Variants in MBNL1 observed in about 807,000 individuals in gnomAD.
The protein encoded by MBNL1 is muscleblind-like protein 1.
In MBNL1, 8 loss-of-function variants were observed where a neutral mutation model predicts 42.2. That is an observed-to-expected ratio of 0.19 (90% confidence interval 0.11 to 0.34). The LOEUF is 0.34. Among genes scored for constraint, MBNL1 ranks in the 10% least tolerant of loss-of-function variants. The pLI is 1.00. For missense variants in MBNL1, 309 were observed against 495.3 expected (o/e 0.62, Z 3.57); for synonymous variants, 169 against 173.9 (o/e 0.97, Z 0.22).
intron 4 of MBNL1, among the ~76,000 whole-genome samples, chr3:152,441,386 T>A (rs1229724357): frequency 1.3e-5 from 2 of 152,332 alleles, no homozygotes; most frequent in East Asian, 3.9e-4. Flanking sequence ...TATGCATTAT[T>A]TTATTCAGTA....
intron 2 of MBNL1, among the ~76,000 whole-genome samples, chr3:152,385,233 C>A (rs190795718): frequency 6.6e-6 from 1 of 151,910 alleles, no homozygotes; most frequent in African/African-American, 2.4e-5. Context: ...GTATTGAGGC[C>A]TCTCTTACAT....
chr3:152,418,861 C>T lies in MBNL1; in HGVS notation c.345+3750C>T, dbSNP rs894100516. Among the ~76,000 whole-genome samples, 35 of 151,928 alleles carry T rather than the reference C, an allele frequency of 2.3e-4. 2 individuals carry two copies. The highest frequency in any genetic ancestry group is 2.1e-3 in the South Asian group (10 of 4,810). Reference sequence around the variant, plus strand: ...CCTCCTGAGTACCTGGGACTACAGGCGCCCGCCCCCGTGCCCGGCTAATTT... The same window carrying T: ...CCTCCTGAGTACCTGGGACTACAGGTGCCCGCCCCCGTGCCCGGCTAATTT... On this transcript the variant is annotated intron_variant, in intron 3 of 9. Coordinates refer to ENST00000324210, the MANE Select transcript of MBNL1 (RefSeq NM_021038.5).
chr3:152,251,053 G>A (rs932581202), intron 2 of MBNL1, among the ~76,000 whole-genome samples: 6 of 152,076 alleles, frequency 3.9e-5, no homozygotes, highest in Non-Finnish European at 7.4e-5. Context: ...ATCAATAAAT[G>A]TAATCCAGCA....
At chr3:152,434,395 T>A (rs1397531266) in intron 4 of MBNL1, among the ~76,000 whole-genome samples, 3 of 152,230 alleles carry the variant, frequency 2.0e-5, no homozygotes, top group Non-Finnish European at 4.4e-5. Context: ...CATTCTTTTT[T>A]ATGTCTGCAT....
chr3:152,275,184 A>C (rs2044232474), intron 1 of MBNL1, among the ~76,000 whole-genome samples: 1 of 152,144 alleles, frequency 6.6e-6, no homozygotes, highest in African/African-American at 2.4e-5. Context: ...AGAAAGCAGG[A>C]GGGTGGTCAA....
At chr3:152,395,991 C>T (rs1417640417) in intron 2 of MBNL1, among the ~76,000 whole-genome samples, 1 of 152,148 alleles carries the variant, frequency 6.6e-6, no homozygotes, top group Non-Finnish European at 1.5e-5. Context: ...TACAGCTGCT[C>T]CGCATTGCTG....
intron 2 of MBNL1, among the ~76,000 whole-genome samples, chr3:152,306,185 C>T (rs2063034375): frequency 6.6e-6 from 1 of 152,140 alleles, no homozygotes. Flanking sequence ...TATGTCTTTC[C>T]ATAGTCACAC....
In MBNL1 at chr3:152,300,352, C is replaced by T. The variant is rs1464211875; in HGVS notation, c.159C>T (p.Cys53=). Residue 53 remains cysteine (C), a synonymous_variant, in exon 2 of 10, where the codon TGC becomes TGT. Coordinates refer to ENST00000324210, the MANE Select transcript of MBNL1 (RefSeq NM_021038.5). ...CQVENGRVIA[C]FDSLKGRCSR... ...TTGAAAATGGACGAGTAATCGCCTG[C>T]TTTGATTCATTGAAAGTGAGTAACT... The T allele has an allele frequency of 3.7e-6, 6 of 1,613,606 alleles. No homozygotes were observed. Among genetic ancestry groups the T allele is most frequent in the Non-Finnish European group, 5.1e-6 (6 of 1,179,706 alleles).
intron 2 of MBNL1, chr3:152,302,251 C>T (rs1163558673): frequency 6.6e-6 from 1 of 151,926 alleles, no homozygotes; most frequent in East Asian, 1.9e-4. Flanking sequence ...TCAATGCAAA[C>T]TTTGTCCTTT....
chr3:152,372,396 A>G (rs908680668), intron 2 of MBNL1, among the ~76,000 whole-genome samples: 7 of 152,158 alleles, frequency 4.6e-5, no homozygotes, highest in African/African-American at 1.7e-4. Context: ...TGGAATTTTC[A>G]GCCTTCTTGT....
At chr3:152,286,046 CTT>C (rs148338544) in intron 1 of MBNL1, among the ~76,000 whole-genome samples, 244 of 151,756 alleles carry the variant, frequency 1.6e-3, no homozygotes, top group African/African-American at 5.8e-3. Context: ...AAAAATTAAT[CTT>C]TTTAAGGGGC....
intron 8 of MBNL1, among the ~76,000 whole-genome samples, chr3:152,456,871 A>C (rs1162138739): frequency 6.6e-6 from 1 of 152,342 alleles, no homozygotes; most frequent in East Asian, 1.9e-4. Context: ...AGCAGATTCA[A>C]AATAAATTGT....
intron 2 of MBNL1, among the ~76,000 whole-genome samples, chr3:152,318,844 C>G (rs536417095): frequency 3.3e-5 from 5 of 152,268 alleles, no homozygotes; most frequent in Admixed American, 3.3e-4. Flanking sequence ...TACAGGCATT[C>G]ACAGACTGCA....
chr3:152,260,825 A>G (rs185494404), intron 2 of MBNL1, among the ~76,000 whole-genome samples: 1 of 152,318 alleles, frequency 6.6e-6, no homozygotes, highest in Non-Finnish European at 1.5e-5. Context: ...TTGCCTAAGA[A>G]GCACCACTTC....
intron 3 of MBNL1, among the ~76,000 whole-genome samples, chr3:152,430,248 A>G (rs1368477456): frequency 6.6e-6 from 1 of 152,232 alleles, no homozygotes; most frequent in East Asian, 1.9e-4. Flanking sequence ...TTTTATTAAA[A>G]TAAAAATTGC....
At chr3:152,278,303 T>G (rs1278617807) in intron 1 of MBNL1, among the ~76,000 whole-genome samples, 1 of 152,130 alleles carries the variant, frequency 6.6e-6, no homozygotes, top group Non-Finnish European at 1.5e-5. Context: ...TGGTCTTAGG[T>G]ACCTCTTCCA....
intron 1 of MBNL1, among the ~76,000 whole-genome samples, chr3:152,287,885 A>C (rs1246191247): frequency 1.3e-5 from 2 of 152,240 alleles, no homozygotes; most frequent in African/African-American, 2.4e-5. Context: ...TCCAGAATGC[A>C]CAGAACCTTA....
At chr3:152,402,369 A>G (rs1285652540) in intron 2 of MBNL1, among the ~76,000 whole-genome samples, 2 of 152,196 alleles carry the variant, frequency 1.3e-5, no homozygotes, top group Admixed American at 6.5e-5. Context: ...GGAGGTTACA[A>G]TTCAATGAGG....
At chr3:152,372,165 T>G (rs1212680865) in intron 2 of MBNL1, among the ~76,000 whole-genome samples, 2 of 152,202 alleles carry the variant, frequency 1.3e-5, no homozygotes, top group East Asian at 3.8e-4. Context: ...TCATTGATGA[T>G]TTTCTCTAGA....
Sources: gnomAD v4.1 joint callset for allele counts (sites outside exome capture counted in the v4.1 genomes callset) on GRCh38, gnomAD v4.1.1 for gene constraint, MANE v1.5 for transcripts, NCBI Gene and HGNC (gene_info 2026-07-23, HGNC 2026-07-21) for gene names.